Variants in OPCML observed in about 807,000 individuals in gnomAD.
OPCML encodes opioid-binding protein/cell adhesion molecule.
A neutral mutation model predicts 37.8 loss-of-function variants in OPCML; 13 were observed. The observed-to-expected ratio is 0.34, with a 90% CI of 0.22 to 0.55. The LOEUF is 0.55. Ranked by LOEUF, OPCML falls within the 20% of genes least tolerant of loss-of-function variation. The probability of loss-of-function intolerance (pLI) is 0.91; values close to 1 mark genes in which losing one functional copy is unlikely to be tolerated. For synonymous variants in OPCML, 176 were observed against 168.8 expected (o/e 1.04, Z -0.33); for missense variants, 341 against 435.6 (o/e 0.78, Z 1.93).
intron 1 of OPCML, among the ~76,000 whole-genome samples, chr11:133,467,686 G>T (rs1330808414): frequency 6.6e-6 from 1 of 152,050 alleles, no homozygotes; most frequent in Non-Finnish European, 1.5e-5. Context: ...TATAAGCCTG[G>T]TCCCATATGT....
At chr11:133,410,081 T>C (rs1331989362) in intron 1 of OPCML, among the ~76,000 whole-genome samples, 1 of 152,156 alleles carries the variant, frequency 6.6e-6, no homozygotes, top group African/African-American at 2.4e-5. Context: ...AATTGAGCTC[T>C]GAAAGCTGGA....
intron 2 of OPCML, chr11:132,772,177 T>C (rs1946662183): frequency 6.6e-6 from 1 of 152,206 alleles, no homozygotes; most frequent in Non-Finnish European, 1.5e-5. Flanking sequence ...CCACCTGATC[T>C]AGCAAAAAGA....
rs1462751629 is a variant in OPCML at position 132,419,279 on chromosome 11, G to C, written c.*914C>G. 6.6e-6 allele frequency: 1 copy of C among 152,164 alleles called. No individual in the cohort carries two copies. Among genetic ancestry groups the C allele is most frequent in the Non-Finnish European group, 1.5e-5 (1 of 68,024 alleles). 9.4% of individuals were successfully genotyped at this position (152,164 alleles called of 1,614,324 possible). On this transcript the variant is annotated 3_prime_UTR_variant, in exon 8 of 8. Coordinates refer to ENST00000524381, the MANE Select transcript of OPCML (RefSeq NM_001012393.5). ...TGTTAGACAATTACATTGATAGATTGATAAACAGTAAATAGATTGCTAGAG... is the reference window on the plus strand; with the variant it reads ...TGTTAGACAATTACATTGATAGATTCATAAACAGTAAATAGATTGCTAGAG...
chr11:133,377,854 A>G (rs184986734), intron 1 of OPCML, among the ~76,000 whole-genome samples: 1 of 152,306 alleles, frequency 6.6e-6, no homozygotes, highest in Admixed American at 6.5e-5. Context: ...AGAGAGGGAA[A>G]ATGGCCCTGG....
At chr11:132,493,520 C>T (rs1332828565) in intron 4 of OPCML, among the ~76,000 whole-genome samples, 1 of 152,198 alleles carries the variant, frequency 6.6e-6, no homozygotes, top group Non-Finnish European at 1.5e-5. Flanking sequence ...TCCTGCGTCT[C>T]TGTCCACGTC....
chr11:133,521,641 C>T (rs1948400004), intron 1 of OPCML, among the ~76,000 whole-genome samples: 1 of 152,238 alleles, frequency 6.6e-6, no homozygotes, highest in African/African-American at 2.4e-5. Context: ...ATCCCAGTGC[C>T]AAGTAAGACT....
chr11:132,717,793 G>A (rs1421840354), intron 2 of OPCML, among the ~76,000 whole-genome samples: 1 of 152,112 alleles, frequency 6.6e-6, no homozygotes, highest in East Asian at 1.9e-4. Flanking sequence ...TCTCTATGAG[G>A]GAAACACAGT....
intron 1 of OPCML, among the ~76,000 whole-genome samples, chr11:133,051,531 G>A (rs1227257635): frequency 6.6e-6 from 1 of 152,064 alleles, no homozygotes; most frequent in South Asian, 2.1e-4. Flanking sequence ...TTGTTTGTTT[G>A]TTTGTTTTTT....
At chr11:132,617,332 G>A (rs545255249) in intron 3 of OPCML, among the ~76,000 whole-genome samples, 12 of 152,316 alleles carry the variant, frequency 7.9e-5, no homozygotes, top group African/African-American at 2.9e-4. Flanking sequence ...CTGAGCAAGA[G>A]TTAAACTACA....
intron 2 of OPCML, among the ~76,000 whole-genome samples, chr11:132,877,707 C>T (rs1336678316): frequency 6.6e-6 from 1 of 152,160 alleles, no homozygotes; most frequent in Non-Finnish European, 1.5e-5. Context: ...GTAGTATATT[C>T]ACTAGTACTC....
intron 3 of OPCML, among the ~76,000 whole-genome samples, chr11:132,645,848 C>A (rs907225010): frequency 6.6e-6 from 1 of 152,198 alleles, no homozygotes; most frequent in African/African-American, 2.4e-5. Context: ...CTAATGGCTA[C>A]CACGTTGAAG....
chr11:133,279,588 C>T (rs558855980), intron 1 of OPCML, among the ~76,000 whole-genome samples: 6 of 152,178 alleles, frequency 3.9e-5, no homozygotes, highest in African/African-American at 1.4e-4. Context: ...GCTAAGGACA[C>T]CTCTCAGAGC....
intron 2 of OPCML, among the ~76,000 whole-genome samples, chr11:132,800,265 G>T (rs1202852050): frequency 6.6e-6 from 1 of 152,090 alleles, no homozygotes; most frequent in African/African-American, 2.4e-5. Context: ...GACTTATCCT[G>T]CAACCTTGCT....
At chr11:133,079,812 C>A (rs545614704) in intron 1 of OPCML, among the ~76,000 whole-genome samples, 12 of 152,114 alleles carry the variant, frequency 7.9e-5, no homozygotes, top group Non-Finnish European at 1.5e-4. Flanking sequence ...CCTCCCGCAT[C>A]CCCCAACCTT....
chr11:132,970,539 A>G (rs1946318114), intron 1 of OPCML, among the ~76,000 whole-genome samples: 1 of 152,214 alleles, frequency 6.6e-6, no homozygotes, highest in Non-Finnish European at 1.5e-5. Context: ...CCTACAGAGT[A>G]TATTTAAAAT....
chr11:133,210,957 A>T (rs1294114373), intron 1 of OPCML, among the ~76,000 whole-genome samples: 1 of 152,158 alleles, frequency 6.6e-6, no homozygotes, highest in African/African-American at 2.4e-5. Context: ...ATTTTTGAAC[A>T]TTGCCATAAT....
chr11:132,632,947 G>GA (rs58661397), intron 3 of OPCML, among the ~76,000 whole-genome samples: 3,761 of 125,686 alleles, frequency 0.03, 75 homozygotes, highest in Non-Finnish European at 0.042. Context: ...TCACCATATT[G>GA]AAAAAAAAAA....
chr11:132,621,719 C>A (rs1028763180), intron 3 of OPCML, among the ~76,000 whole-genome samples: 1 of 152,178 alleles, frequency 6.6e-6, no homozygotes, highest in African/African-American at 2.4e-5. Context: ...TATATAAGTT[C>A]TCCTTGCTGT....
intron 1 of OPCML, among the ~76,000 whole-genome samples, chr11:133,132,718 A>G (rs1032149452): frequency 2.0e-5 from 3 of 152,198 alleles, no homozygotes; most frequent in African/African-American, 7.2e-5. Context: ...CTGAATCTCA[A>G]AATACTTACG....
Sources: gnomAD v4.1 joint callset for allele counts (sites outside exome capture counted in the v4.1 genomes callset) on GRCh38, gnomAD v4.1.1 for gene constraint, MANE v1.5 for transcripts, NCBI Gene and HGNC (gene_info 2026-07-23, HGNC 2026-07-21) for gene names.